The following SLC8A3 variants were observed in gnomAD, a reference collection of about 807,000 sequenced individuals.
SLC8A3 encodes solute carrier family 8 member A3.
Under a neutral mutation model 65.4 loss-of-function variants are expected in SLC8A3, and 37 were observed. The ratio of observed to expected loss-of-function variants is 0.57; its 90% CI spans 0.44 to 0.74. The LOEUF (loss-of-function observed/expected upper bound fraction) is 0.74, where lower values mean the gene tolerates loss of function less well. Among genes scored for constraint, SLC8A3 ranks in the 30% least tolerant of loss-of-function variants. The pLI, the probability that SLC8A3 is intolerant of heterozygous loss-of-function variation, is 0.00. For synonymous variants in SLC8A3, 461 were observed against 444.5 expected, an observed-to-expected ratio of 1.04 and a Z score of -0.47; for missense variants, 1,112 against 1,172.1, an observed-to-expected ratio of 0.95 and a Z score of 0.75.
intron 2 of SLC8A3, among the ~76,000 whole-genome samples, chr14:70,062,771 G>A (rs931855022): frequency 2.0e-5 from 3 of 152,080 alleles, no homozygotes; most frequent in African/African-American, 7.2e-5. Context: ...GCATTTTTTT[G>A]GGAATATTTC....
chr14:70,107,426 T>A lies in SLC8A3; in HGVS notation c.1785-46487A>T, dbSNP rs150658510. 4.3e-3 allele frequency among the ~76,000 whole-genome samples: 659 copies of A among 152,178 alleles called. 8 individuals are homozygous for A. The highest frequency in any genetic ancestry group is 8.8e-3 in the Admixed American group (134 of 15,296). ...GCCACTGTGCAATTGTAGACATGCA[T>A]CTATACATCAGATCCTATCGACAAG... On this transcript the variant is annotated intron_variant, in intron 2 of 6. Transcript: ENST00000356921.
intron 2 of SLC8A3, among the ~76,000 whole-genome samples, chr14:70,140,039 G>A (rs999407661): frequency 1.3e-5 from 2 of 152,104 alleles, no homozygotes; most frequent in African/African-American, 2.4e-5. Flanking sequence ...ACTTTTAATG[G>A]TAAAAATTGC....
At chr14:70,126,431 C>T (rs1595030271) in intron 2 of SLC8A3, among the ~76,000 whole-genome samples, 1 of 152,058 alleles carries the variant, frequency 6.6e-6, no homozygotes, top group African/African-American at 2.4e-5. Flanking sequence ...CTTCTGAAAT[C>T]AAGGACCTAA....
At chr14:70,133,134 G>A (rs1894960753) in intron 2 of SLC8A3, among the ~76,000 whole-genome samples, 1 of 151,510 alleles carries the variant, frequency 6.6e-6, no homozygotes, top group South Asian at 2.1e-4. Context: ...TCCCCAGCAG[G>A]ATGGCCACAA....
chr14:70,116,306 C>A (rs940381571), intron 2 of SLC8A3, among the ~76,000 whole-genome samples: 1 of 148,504 alleles, frequency 6.7e-6, no homozygotes, highest in Non-Finnish European at 1.5e-5. Flanking sequence ...AACTAAATGG[C>A]GAGCATTGAG....
chr14:70,112,845 C>T (rs1406753675), intron 2 of SLC8A3, among the ~76,000 whole-genome samples: 1 of 152,156 alleles, frequency 6.6e-6, no homozygotes, highest in Non-Finnish European at 1.5e-5. Context: ...TGCCTCACTC[C>T]AGTCTTTGTC....
At chr14:70,072,527 C>T (rs1226121361) in intron 2 of SLC8A3, among the ~76,000 whole-genome samples, 19 of 151,946 alleles carry the variant, frequency 1.3e-4, no homozygotes, top group Admixed American at 1.2e-3. Context: ...TCCTTTCTTA[C>T]AGAATAAAGA....
rs990552080 is a variant in SLC8A3 at position 70,150,928 on chromosome 14, C to T, written c.1784+15711G>A. ...AATGAGCAATGCAGTTCATGGCTGC[C>T]CCTGCCTAGGCTGGAACTTCTGGGC... On this transcript the variant is annotated intron_variant, in intron 2 of 6. Coordinates refer to ENST00000356921, the MANE Select transcript of SLC8A3 (RefSeq NM_182932.3). Among the ~76,000 whole-genome samples, 14 of 152,226 alleles carry T rather than the reference C, an allele frequency of 9.2e-5. No homozygotes were observed. In the South Asian group the frequency reaches 2.9e-3, roughly 32 times the overall value.
rs906455910 is a variant in SLC8A3 at position 70,163,524 on chromosome 14, G to C, written c.1784+3115C>G. Among the ~76,000 whole-genome samples, 5 of 152,176 alleles carry C rather than the reference G, an allele frequency of 3.3e-5. No homozygotes were observed. The East Asian group carries it at 9.6e-4, about 29-fold the overall frequency. On this transcript the variant is annotated intron_variant, in intron 2 of 6. Coordinates refer to ENST00000356921, the MANE Select transcript of SLC8A3 (RefSeq NM_182932.3). ...GTAGGCAAATAAAGCTATACAAAGA[G>C]GGAGAGATTAGAAAGCAGATGTTCC...
chr14:70,130,099 C>T (rs986023638), intron 2 of SLC8A3, among the ~76,000 whole-genome samples: 1 of 152,216 alleles, frequency 6.6e-6, no homozygotes, highest in African/African-American at 2.4e-5. Context: ...CTACTGTTCT[C>T]TGCTTCGTCT....
intron 2 of SLC8A3, among the ~76,000 whole-genome samples, chr14:70,164,133 G>A (rs7159555): frequency 0.12 from 17,936 of 152,096 alleles, 1,249 homozygotes; most frequent in Non-Finnish European, 0.16. Flanking sequence ...ACCTTGAATC[G>A]TCATAATGGC....
chr14:70,053,141 C>T (rs943895182), intron 3 of SLC8A3, among the ~76,000 whole-genome samples: 2 of 152,268 alleles, frequency 1.3e-5, no homozygotes, highest in Admixed American at 1.3e-4. Flanking sequence ...GCTCAGTGTT[C>T]GGGCACCAAA....
At chr14:70,185,481 C>A (rs972548630) in intron 1 of SLC8A3, among the ~76,000 whole-genome samples, 2 of 152,190 alleles carry the variant, frequency 1.3e-5, no homozygotes, top group East Asian at 3.9e-4. Flanking sequence ...AAGAGGACAA[C>A]CTATCGGCTT....
rs1054696749 is a variant in SLC8A3, at chr14:70,167,657, G to A, written c.766C>T (p.Leu256Phe). Reference protein sequence around the residue: ...LLAWVADKRLLFYKYMHKKYR... With the variant: ...LLAWVADKRLFFYKYMHKKYR... ...TTTTTGTGCATGTATTTGTAGAAGA[G>A]CAGTCGTTTATCTGCCACCCAGGCC... is the stretch of plus-strand genomic sequence containing the variant. Residue 256 changes from leucine to phenylalanine, a missense_variant, in exon 2 of 7, where the codon CTC (leucine) becomes TTC (phenylalanine). Coordinates refer to ENST00000356921, the MANE Select transcript of SLC8A3 (RefSeq NM_182932.3). The A allele has an allele frequency of 1.1e-5, 17 of 1,614,042 alleles. No individual in the cohort carries two copies. Among genetic ancestry groups the A allele is most frequent in the Non-Finnish European group, 1.4e-5 (16 of 1,180,040 alleles).
intron 2 of SLC8A3, among the ~76,000 whole-genome samples, chr14:70,136,254 T>G (rs1895191877): frequency 1.3e-5 from 2 of 152,286 alleles, no homozygotes; most frequent in African/African-American, 4.8e-5. Flanking sequence ...AGGATTCTCC[T>G]CTACAGGTTT....
rs5809470 is a variant in SLC8A3, at chr14:70,152,528, C to CT, written c.1784+14110dup. Among the ~76,000 whole-genome samples, 61 of 148,262 alleles carry CT rather than the reference C, an allele frequency of 4.1e-4. 1 individual carries two copies. The highest frequency in any genetic ancestry group is 1.0e-3 in the African/African-American group (42 of 40,280). On this transcript the variant is annotated intron_variant, in intron 2 of 6. Coordinates refer to ENST00000356921, the MANE Select transcript of SLC8A3 (RefSeq NM_182932.3). ...ACAAAACAACAACAACAAGTTCAGT[C>CT]TTTTTTTTTTTCCCTCTCCCTTCTA...
At chr14:70,135,190 A>G (rs555231419) in intron 2 of SLC8A3, among the ~76,000 whole-genome samples, 96 of 152,364 alleles carry the variant, frequency 6.3e-4, no homozygotes, top group Admixed American at 2.3e-3. Context: ...CTACAGTGAT[A>G]TATCATCTTA....
chr14:70,139,911 T>A (rs1895454990), intron 2 of SLC8A3, among the ~76,000 whole-genome samples: 1 of 152,182 alleles, frequency 6.6e-6, no homozygotes, highest in South Asian at 2.1e-4. Flanking sequence ...CATCTCCCCC[T>A]TTCCCTTGAA....
intron 2 of SLC8A3, among the ~76,000 whole-genome samples, chr14:70,161,094 A>G (rs1216577719): frequency 6.8e-6 from 1 of 147,636 alleles, no homozygotes; most frequent in Non-Finnish European, 1.5e-5. Flanking sequence ...AAAAAAAAGT[A>G]TAAATATATA....
Sources: allele counts gnomAD v4.1 joint callset (sites outside exome capture counted in the v4.1 genomes callset), GRCh38; gene constraint gnomAD v4.1.1; transcripts MANE v1.5; gene names NCBI Gene and HGNC (gene_info 2026-07-23, HGNC 2026-07-21).